CPTP: variants seen among roughly 807,000 people sequenced by gnomAD.
CPTP encodes ceramide-1-phosphate transfer protein, also known as GLTP domain-containing protein 1.
A neutral mutation model predicts 5.7 loss-of-function variants in CPTP; 5 were observed. The ratio of observed to expected loss-of-function variants is 0.88; its 90% confidence interval spans 0.46 to 1.86. CPTP has a LOEUF of 1.86. CPTP is among the 40% of genes most tolerant of loss of function. CPTP has a pLI of 0.01. For missense variants in CPTP, 335 were observed against 306.5 expected (o/e 1.09, Z -0.69); for synonymous variants, 166 against 142.7 (o/e 1.16, Z -1.16).
At chr1:1,326,403 C>A (rs1036195673) in intron 1 of CPTP, among the ~76,000 whole-genome samples, 5 of 152,034 alleles carry the variant, frequency 3.3e-5, no homozygotes, top group Non-Finnish European at 7.4e-5. Flanking sequence ...CTGACCCCAC[C>A]CCAGATGGCT....
Position 1,327,892 on chromosome 1 carries a change from C to A in CPTP, c.*129C>A. ...GGAGATCCTCTGTCGCCCCTGTGAGCTGAGCTGGTTAGGAACCACAGACTG... is the reference window on the plus strand; with the variant it reads ...GGAGATCCTCTGTCGCCCCTGTGAGATGAGCTGGTTAGGAACCACAGACTG... On this transcript the variant is annotated 3_prime_UTR_variant, in exon 3 of 3. Coordinates refer to ENST00000343938, the MANE Select transcript of CPTP (RefSeq NM_001029885.2). 3 of 1,079,814 alleles carry A rather than the reference C, an allele frequency of 2.8e-6. No homozygotes were observed. The highest frequency in any genetic ancestry group is 1.4e-5 in the South Asian group (1 of 69,406). The allele number at this position is 1,079,814 out of a possible 1,614,324, so 66.9% of individuals were successfully genotyped here.
intron 1 of CPTP, among the ~76,000 whole-genome samples, chr1:1,326,296 C>T (rs966154763): frequency 1.3e-5 from 2 of 152,252 alleles, no homozygotes; most frequent in African/African-American, 2.4e-5. Context: ...GCAGCCTGCC[C>T]GGCAGCATCC....
In CPTP at chr1:1,324,840, G is replaced by A. The variant is rs1643251134; in HGVS notation, c.-338G>A. 1 of 487,732 alleles carries A rather than the reference G, an allele frequency of 2.1e-6. No individual in the cohort carries two copies. Among genetic ancestry groups the A allele is most frequent in the South Asian group, 3.0e-5 (1 of 33,666 alleles). 30.2% of individuals were successfully genotyped at this position (487,732 alleles called of 1,614,324 possible). A position where few individuals can be genotyped will look rare whatever the true frequency, so the allele number is the denominator to read the frequency against. ...CGGCTACGGCCTAGGTGAGCGGCTC[G>A]GACTCGGCGGCCGCACCTGCCCAAC... On this transcript the variant is annotated 5_prime_UTR_variant, in exon 1 of 3. Transcript: ENST00000343938.
At chr1:1,326,657 G>A (rs1643316235) in intron 1 of CPTP, among the ~76,000 whole-genome samples, 179 bp from the exon 2 acceptor site, 1 of 152,236 alleles carries the variant, frequency 6.6e-6, no homozygotes, top group African/African-American at 2.4e-5. Flanking sequence ...AGGAGGGGCT[G>A]TGCCAAGGTC....
rs532935869 is a variant in CPTP at position 1,328,063 on chromosome 1, G to T, written c.*300G>T. On this transcript the variant is annotated 3_prime_UTR_variant, in exon 3 of 3. Coordinates refer to ENST00000343938, the MANE Select transcript of CPTP (RefSeq NM_001029885.2). ...GCGGTGCAGAGCAGAGCAGGCAGGG[G>T]TGGGGGCCGGGCCTGCAAGAGCCCG... is the stretch of plus-strand genomic sequence containing the variant. 7 of 491,406 alleles carry T rather than the reference G, an allele frequency of 1.4e-5. No homozygotes were observed. The highest frequency in any genetic ancestry group is 1.3e-4 in the South Asian group (5 of 39,352). 30.4% of individuals were successfully genotyped at this position (491,406 alleles called of 1,614,324 possible).
At position 1,327,525 on chromosome 1, in the gene CPTP, C is replaced by T. The variant is rs780404053; in HGVS notation, c.407C>T (p.Ala136Val). The change falls in exon 3 of 3, where the codon GCG (alanine) becomes GTG (valine). Residue 136 changes from alanine (A) to valine (V), a missense_variant. Physicochemically the swap from Ala to Val is moderately conservative, Grantham distance 64. Transcript: ENST00000343938. ...AGCCCCGAGGACGCACGCACCTCCG[C>T]GCTCTGCGCCGACTCCTACAACGCC... ...RTSPEDARTS[A>V]LCADSYNASL... is the part of the protein sequence containing the mutation. 6.3e-6 allele frequency: 10 copies of T among 1,580,906 alleles called. No homozygotes were observed. The highest frequency in any genetic ancestry group is 8.6e-6 in the Non-Finnish European group (10 of 1,166,322).
rs1472976842 is a variant in CPTP at position 1,327,987 on chromosome 1, C to T, written c.*224C>T. The T allele has an allele frequency of 1.5e-5, 9 of 599,656 alleles. No individual in the cohort carries two copies. The highest frequency in any genetic ancestry group is 6.2e-5 in the South Asian group (3 of 48,652). The allele number at this position is 599,656 out of a possible 1,614,324, so 37.1% of individuals were successfully genotyped here. ...GGTCCGGAACAAGACGCCTCGGCCA[C>T]GGCTCCCCCTCGGCCTATTACACGC... is the stretch of plus-strand genomic sequence containing the variant. On this transcript the variant is annotated 3_prime_UTR_variant, in exon 3 of 3. Coordinates refer to ENST00000343938, the MANE Select transcript of CPTP (RefSeq NM_001029885.2).
chr1:1,325,868 C>T (rs1319493340), intron 1 of CPTP, among the ~76,000 whole-genome samples: 1 of 152,156 alleles, frequency 6.6e-6, no homozygotes, highest in Non-Finnish European at 1.5e-5. Context: ...CCAGGGAGGC[C>T]AGGACAGGGC....
rs370159301 is a variant in CPTP, at chr1:1,328,482, G to C, written c.*719G>C. 2 of 153,052 alleles carry C rather than the reference G, an allele frequency of 1.3e-5. No individual in the cohort carries two copies. Among genetic ancestry groups the C allele is most frequent in the Non-Finnish European group, 2.9e-5 (2 of 68,596 alleles). The allele number at this position is 153,052 out of a possible 1,614,324, so 9.5% of individuals were successfully genotyped here. ...AGCCCCTGCACGGCACCAGTTCCCC[G>C]AGGGACGCAGCAGGCCGCCTCCCGC... On this transcript the variant is annotated 3_prime_UTR_variant, in exon 3 of 3. Transcript: ENST00000343938.
Position 1,326,872 on chromosome 1 carries a change from AG to A in CPTP, c.-38del, listed in dbSNP as rs1643319385. 6.2e-7 allele frequency: 1 copy of A among 1,612,526 alleles called. No homozygotes were observed. The highest frequency in any genetic ancestry group is 1.3e-5 in the African/African-American group (1 of 74,894). Reference sequence around the variant, plus strand: ...CAGAGCAAGCTGACCCCAGCGACACAGCCCCCCAGCCCTACTGTATTTCCGT... The same window carrying A: ...CAGAGCAAGCTGACCCCAGCGACACACCCCCCAGCCCTACTGTATTTCCGT... On this transcript the variant is annotated 5_prime_UTR_variant, in exon 2 of 3. Coordinates refer to ENST00000343938, the MANE Select transcript of CPTP (RefSeq NM_001029885.2).
Position 1,327,996 on chromosome 1 carries a change from C to G in CPTP, c.*233C>G, listed in dbSNP as rs1463795085. 3.4e-6 allele frequency: 2 copies of G among 595,974 alleles called. No individual in the cohort carries two copies. Among genetic ancestry groups the G allele is most frequent in the Non-Finnish European group, 3.0e-6 (1 of 338,072 alleles). The allele number at this position is 595,974 out of a possible 1,614,324, so 36.9% of individuals were successfully genotyped here. A position where few individuals can be genotyped will look rare whatever the true frequency, so the allele number is the denominator to read the frequency against. On this transcript the variant is annotated 3_prime_UTR_variant, in exon 3 of 3. Transcript: ENST00000343938. ...CAAGACGCCTCGGCCACGGCTCCCCCTCGGCCTATTACACGCGTGCGCAGC... is the reference window on the plus strand; with the variant it reads ...CAAGACGCCTCGGCCACGGCTCCCCGTCGGCCTATTACACGCGTGCGCAGC...
Position 1,327,571 on chromosome 1 carries a change from C to G in CPTP, c.453C>G (p.Pro151=), listed in dbSNP as rs1236538948. The G allele has an allele frequency of 6.2e-7, 1 of 1,604,192 alleles. No homozygotes were observed. Among genetic ancestry groups the G allele is most frequent in the Non-Finnish European group, 8.5e-7 (1 of 1,176,450 alleles). ...SYNASLAAYH[P]WVVRRAVTVA... is the part of the protein sequence containing the mutation. ...ACGCCTCGCTGGCCGCCTACCACCC[C>G]TGGGTCGTGCGCCGCGCCGTCACCG... Residue 151 remains proline (P), a synonymous_variant, in exon 3 of 3, where the codon CCC becomes CCG. Transcript: ENST00000343938.
At position 1,327,347 on chromosome 1, in the gene CPTP, C is replaced by A. The variant is rs145316505; in HGVS notation, c.229C>A (p.Arg77Ser). 73 of 1,598,652 alleles carry A rather than the reference C, an allele frequency of 4.6e-5. 1 individual carries two copies. In the African/African-American group the frequency reaches 8.8e-4, roughly 19 times the overall value. ...GGGCGGCCCGCAGAGCGAGCACTAC[C>A]GCAGCCTGCAGGCCATGGTGGCCCA... ...LRGGPQSEHYRSLQAMVAHEL... is the reference protein window; with the variant it reads ...LRGGPQSEHYSSLQAMVAHEL... The change falls in exon 3 of 3, where the codon CGC (arginine) becomes AGC (serine). Residue 77 changes from arginine (R) to serine (S), a missense_variant. Transcript: ENST00000343938.
In CPTP at chr1:1,327,425, T is replaced by G. The variant is rs759158108; in HGVS notation, c.307T>G (p.Ser103Ala). ...GGAGCGCCGCTCCCACCACCCGGAG[T>G]CTGGCTGCCGGACGGTGCTGCGCCT... ...DLERRSHHPE[S>A]GCRTVLRLHR... is the part of the protein sequence containing the mutation. The change falls in exon 3 of 3, where the codon TCT becomes GCT. Residue 103 changes from serine to alanine, a missense_variant. Coordinates refer to ENST00000343938, the MANE Select transcript of CPTP (RefSeq NM_001029885.2). The G allele has an allele frequency of 1.0e-5, 16 of 1,587,288 alleles. No homozygotes were observed. The highest frequency in any genetic ancestry group is 1.7e-5 in the Admixed American group (1 of 57,930).
At position 1,327,569 on chromosome 1, in the gene CPTP, C is replaced by G. The variant is rs1337303557; in HGVS notation, c.451C>G (p.Pro151Ala). Residue 151 changes from proline (P) to alanine (A), a missense_variant, in exon 3 of 3, where the codon CCC (proline) becomes GCC (alanine). Physicochemically the swap from Pro to Ala is conservative, Grantham distance 27 (BLOSUM62 -1). Transcript: ENST00000343938. ...CAACGCCTCGCTGGCCGCCTACCAC[C>G]CCTGGGTCGTGCGCCGCGCCGTCAC... is the stretch of plus-strand genomic sequence containing the variant. ...SYNASLAAYH[P>A]WVVRRAVTVA... The G allele has an allele frequency of 6.2e-7, 1 of 1,603,966 alleles. No homozygotes were observed. Among genetic ancestry groups the G allele is most frequent in the East Asian group, 2.2e-5 (1 of 44,578 alleles).
chr1:1,326,819 T>C lies in CPTP; in HGVS notation c.-75-17T>C, dbSNP rs1643318602. The C allele has an allele frequency of 6.5e-7, 1 of 1,527,332 alleles. No individual in the cohort carries two copies. The allele number at this position is 1,527,332 out of a possible 1,614,324, so 94.6% of individuals were successfully genotyped here. The stretch of plus-strand genomic sequence containing the variant: ...CGGCAATGGGATCGCAGCTATTTTG[T>C]TCCCCTCCACACACAGAAAATGAGC... On this transcript the variant is annotated splice_polypyrimidine_tract_variant and intron_variant, in intron 1 of 2. Transcript: ENST00000343938.
At chr1:1,326,306 C>T (rs946821218) in intron 1 of CPTP, among the ~76,000 whole-genome samples, 2 of 151,578 alleles carry the variant, frequency 1.3e-5, no homozygotes, top group Non-Finnish European at 2.9e-5. Context: ...CGGCAGCATC[C>T]CCCCACCCCC....
Position 1,327,807 on chromosome 1 carries a change from G to A in CPTP, c.*44G>A, listed in dbSNP as rs1436462822. ...GCACCGGCTTTCCTGCTGCAGATCT[G>A]GGCTGCGGTGGCCAGGGCCGTGAGT... On this transcript the variant is annotated 3_prime_UTR_variant, in exon 3 of 3. Transcript: ENST00000343938. 1 of 1,598,526 alleles carries A rather than the reference G, an allele frequency of 6.3e-7. No individual in the cohort carries two copies. Among genetic ancestry groups the A allele is most frequent in the Admixed American group, 1.7e-5 (1 of 59,090 alleles).
Position 1,328,832 on chromosome 1 carries a change from T to C in CPTP, c.*1069T>C, listed in dbSNP as rs934363943. ...AGACATGCGAGCTTCCAGAGTGCAATCTATGTGATGTCTTCCAACGTTAAT... is the reference window on the plus strand; with the variant it reads ...AGACATGCGAGCTTCCAGAGTGCAACCTATGTGATGTCTTCCAACGTTAAT... On this transcript the variant is annotated 3_prime_UTR_variant, in exon 3 of 3. Transcript: ENST00000343938. 2.0e-5 allele frequency: 3 copies of C among 152,312 alleles called. No individual in the cohort carries two copies. The highest frequency in any genetic ancestry group is 1.3e-4 in the Admixed American group (2 of 15,284). 9.4% of individuals were successfully genotyped at this position (152,312 alleles called of 1,614,324 possible).
Sources: allele counts gnomAD v4.1 joint callset (sites outside exome capture counted in the v4.1 genomes callset), GRCh38; gene constraint gnomAD v4.1.1; transcripts MANE v1.5; gene names NCBI Gene and HGNC (gene_info 2026-07-23, HGNC 2026-07-21).